RPS6KA2: variants seen among roughly 807,000 people sequenced by gnomAD.
RPS6KA2 encodes the protein ribosomal protein S6 kinase alpha-2.
Under a neutral mutation model 91.8 loss-of-function variants are expected in RPS6KA2, and 42 were observed. That is an observed-to-expected ratio of 0.46 (90% confidence interval 0.36 to 0.59). RPS6KA2 has a LOEUF of 0.59. Ranked by LOEUF, RPS6KA2 falls within the 20% of genes least tolerant of loss-of-function variation. The pLI, the probability that RPS6KA2 is intolerant of heterozygous loss-of-function variation, is 0.00. For synonymous variants in RPS6KA2, 414 were observed against 393.6 expected (o/e 1.05, Z -0.61); for missense variants, 798 against 978.5 (o/e 0.82, Z 2.46).
chr6:166,827,602 A>G (rs1041647355), intron 2 of RPS6KA2, among the ~76,000 whole-genome samples: 5 of 152,222 alleles, frequency 3.3e-5, no homozygotes, highest in African/African-American at 1.2e-4. Context: ...AACACACAGC[A>G]TGGAGAACAC....
chr6:166,763,834 C>T (rs2128604198), intron 2 of RPS6KA2, among the ~76,000 whole-genome samples: 1 of 152,328 alleles, frequency 6.6e-6, no homozygotes, highest in East Asian at 1.9e-4. Context: ...AAAACCAGAG[C>T]TGTGCCTGTC....
chr6:166,616,002 C>T (rs1216801979), intron 1 of RPS6KA2, among the ~76,000 whole-genome samples: 1 of 152,150 alleles, frequency 6.6e-6, no homozygotes. Flanking sequence ...ACACCCAATC[C>T]CTGTAACAGC....
intron 2 of RPS6KA2, among the ~76,000 whole-genome samples, chr6:166,773,921 G>T (rs9459743): frequency 0.032 from 4,820 of 152,334 alleles, 263 homozygotes; most frequent in African/African-American, 0.11. Context: ...AAGCATGCTT[G>T]CAGAAAATAA....
At chr6:166,759,525 A>G (rs952678016) in intron 2 of RPS6KA2, among the ~76,000 whole-genome samples, 1 of 152,198 alleles carries the variant, frequency 6.6e-6, no homozygotes, top group Admixed American at 6.5e-5. Context: ...TTCTAGTCTC[A>G]CGAAATTTCG....
chr6:166,712,384 T>C (rs1302643362), intron 2 of RPS6KA2, among the ~76,000 whole-genome samples: 1 of 152,224 alleles, frequency 6.6e-6, no homozygotes, highest in Non-Finnish European at 1.5e-5. Flanking sequence ...AGATGGTTTT[T>C]TTCTTGACAT....
At position 166,508,444 on chromosome 6, in the gene RPS6KA2, C is replaced by T. The variant is rs867062468; in HGVS notation, c.380-162G>A. On this transcript the variant is annotated intron_variant, in intron 4 of 20. Coordinates refer to ENST00000265678, the MANE Select transcript of RPS6KA2 (RefSeq NM_021135.6). This position sits in a 1 kb window ranked among gnomAD's most constrained non-coding sequence, Gnocchi z 4.3. ...GTGACCAGCTCAGAGGGGCAGCACC[C>T]GGCAGAGGGGGTCTGACACTGTGAG... Among the ~76,000 whole-genome samples, 4 of 149,552 alleles carry T rather than the reference C, an allele frequency of 2.7e-5. No homozygotes were observed. The highest frequency in any genetic ancestry group is 2.2e-4 in the South Asian group (1 of 4,616).
chr6:166,439,651 A>G (rs9459674), intron 14 of RPS6KA2, among the ~76,000 whole-genome samples: 78,227 of 151,912 alleles, frequency 0.51, 20,918 homozygotes, highest in Non-Finnish European at 0.6. Context: ...AGGGAAGATG[A>G]TGTGGGTGAG....
intron 2 of RPS6KA2, among the ~76,000 whole-genome samples, chr6:166,773,718 C>T (rs1188655067): frequency 6.6e-6 from 1 of 152,212 alleles, no homozygotes; most frequent in East Asian, 1.9e-4. Flanking sequence ...CTACTGTCCC[C>T]TTCCTCGTCT....
At chr6:166,839,225 T>C (rs1475096441) in intron 2 of RPS6KA2, among the ~76,000 whole-genome samples, 1 of 152,184 alleles carries the variant, frequency 6.6e-6, no homozygotes, top group Non-Finnish European at 1.5e-5. Context: ...TGTGTCTTTA[T>C]TGCTTTTTTC....
chr6:166,837,852 T>G (rs9459770), intron 2 of RPS6KA2, among the ~76,000 whole-genome samples: 28,291 of 152,304 alleles, frequency 0.19, 2,867 homozygotes, highest in African/African-American at 0.23. Flanking sequence ...GCTTTTTGTT[T>G]TACTTGGTTG....
chr6:166,812,383 C>T (rs139440973), intron 2 of RPS6KA2, among the ~76,000 whole-genome samples: 158 of 152,230 alleles, frequency 1.0e-3, no homozygotes, highest in Middle Eastern at 3.4e-3. Flanking sequence ...CGTCTGGGCT[C>T]CCAGATGTTG....
At chr6:166,530,274 C>T (rs1783219770) in intron 3 of RPS6KA2, among the ~76,000 whole-genome samples, 2 of 152,180 alleles carry the variant, frequency 1.3e-5, no homozygotes, top group African/African-American at 4.8e-5. Context: ...GAGAAAGTCT[C>T]CCTACCCTGC....
At chr6:166,510,409 A>C (rs1782422248) in intron 3 of RPS6KA2, 52 bp from the exon 4 acceptor site, 2 of 1,195,514 alleles carry the variant, frequency 1.7e-6, no homozygotes, top group Non-Finnish European at 2.4e-6. Flanking sequence ...AAGAGTTCTG[A>C]GGAACACTGA....
intron 11 of RPS6KA2, among the ~76,000 whole-genome samples, chr6:166,462,264 C>T (rs376641221): frequency 6.6e-6 from 1 of 152,246 alleles, no homozygotes; most frequent in Non-Finnish European, 1.5e-5. Flanking sequence ...ATGGAACCCC[C>T]GGTGGGGCAG....
At chr6:166,600,488 C>T (rs1785696457) in intron 1 of RPS6KA2, among the ~76,000 whole-genome samples, 2 of 152,232 alleles carry the variant, frequency 1.3e-5, no homozygotes. Context: ...TTCTTCCGAT[C>T]TAAATTCACC....
At chr6:166,556,976 C>G (rs1784196332) in intron 1 of RPS6KA2, among the ~76,000 whole-genome samples, 1 of 152,258 alleles carries the variant, frequency 6.6e-6, no homozygotes, top group Admixed American at 6.5e-5. Flanking sequence ...GTCCAGTGTT[C>G]TGGCCAAGTC....
chr6:166,524,112 C>T (rs1366534499), intron 3 of RPS6KA2, among the ~76,000 whole-genome samples: 1 of 152,220 alleles, frequency 6.6e-6, no homozygotes, highest in East Asian at 1.9e-4. Context: ...GCCAAAAACA[C>T]ACACCAGCAT....
intron 1 of RPS6KA2, among the ~76,000 whole-genome samples, chr6:166,620,303 T>C (rs890301243): frequency 2.0e-5 from 3 of 152,216 alleles, no homozygotes; most frequent in Non-Finnish European, 2.9e-5. Flanking sequence ...CTTGCTAATT[T>C]CATACAGAAG....
At chr6:166,578,311 T>G (rs531050821) in intron 1 of RPS6KA2, among the ~76,000 whole-genome samples, 5 of 152,258 alleles carry the variant, frequency 3.3e-5, no homozygotes, top group African/African-American at 1.2e-4. Context: ...CTACATGTAC[T>G]GTCCTTGAGC....
Sources: allele counts gnomAD v4.1 joint callset (sites outside exome capture counted in the v4.1 genomes callset), GRCh38; gene constraint gnomAD v4.1.1; non-coding constraint Gnocchi (gnomAD v3.1); transcripts MANE v1.5; gene names NCBI Gene and HGNC (gene_info 2026-07-23, HGNC 2026-07-21).